Variants in DNAJC16 observed in about 807,000 individuals in gnomAD.
DNAJC16 encodes the protein dnaJ homolog subfamily C member 16.
In DNAJC16, 76 loss-of-function variants were observed where a neutral mutation model predicts 92.7. That is an observed-to-expected ratio of 0.82 (90% CI 0.68 to 0.99). The LOEUF (loss-of-function observed/expected upper bound fraction) is 0.99. DNAJC16 is among the 50% of genes least tolerant of loss of function. DNAJC16 has a pLI of 0.00. For missense variants in DNAJC16, 869 were observed against 942.4 expected, an observed-to-expected ratio of 0.92 and a Z score of 1.02; for synonymous variants, 328 against 358.7, an observed-to-expected ratio of 0.91 and a Z score of 0.97.
intron 1 of DNAJC16, among the ~76,000 whole-genome samples, chr1:15,528,441 A>AG (rs2103399146): frequency 6.6e-6 from 1 of 152,180 alleles, no homozygotes; most frequent in East Asian, 1.9e-4. Flanking sequence ...TCAAAAAAAA[A>AG]AAACAAAAAA....
At chr1:15,566,218 C>A in intron 13 of DNAJC16, 38 bp downstream of exon 13, 1 of 1,533,422 alleles carries the variant, frequency 6.5e-7, no homozygotes, top group Non-Finnish European at 9.0e-7. Context: ...CTCCCCGGCA[C>A]CTGCCCCCCA....
At chr1:15,548,871 G>C (rs1393059237) in intron 7 of DNAJC16, among the ~76,000 whole-genome samples, 4 of 152,042 alleles carry the variant, frequency 2.6e-5, no homozygotes, top group Non-Finnish European at 5.9e-5. Context: ...AAAATGTAAA[G>C]TTAAAAAACT....
At chr1:15,536,240 A>G (rs1006946095) in intron 3 of DNAJC16, among the ~76,000 whole-genome samples, 8 of 151,088 alleles carry the variant, frequency 5.3e-5, no homozygotes, top group Admixed American at 2.0e-4. Flanking sequence ...CTCCCGGCTG[A>G]TTTGATTTTT....
chr1:15,562,878 G>A lies in DNAJC16; in HGVS notation c.1338+553G>A, dbSNP rs78204042. Among the ~76,000 whole-genome samples the A allele has an allele frequency of 7.4e-3, 1,113 of 150,752 alleles. 15 individuals carry two copies. Among genetic ancestry groups the A allele is most frequent in the African/African-American group, 0.025 (1,023 of 40,902 alleles). ...GAAACCATGTTTTCTATCAGTGAAC[G>A]GTAAAGGTCATCAGTGCTTTTCACC... On this transcript the variant is annotated intron_variant, in intron 9 of 14. Transcript: ENST00000375847.
At chr1:15,539,560 T>C (rs1021348836) in intron 4 of DNAJC16, among the ~76,000 whole-genome samples, 2 of 151,914 alleles carry the variant, frequency 1.3e-5, no homozygotes, top group African/African-American at 4.8e-5. Flanking sequence ...TTTTTCTTTT[T>C]CTTTTAAGAG....
chr1:15,556,505 T>A (rs1014274249), intron 7 of DNAJC16, among the ~76,000 whole-genome samples: 2 of 152,222 alleles, frequency 1.3e-5, no homozygotes, highest in Non-Finnish European at 2.9e-5. Flanking sequence ...ATTATAGGCG[T>A]GAGCCACCGC....
intron 7 of DNAJC16, among the ~76,000 whole-genome samples, chr1:15,553,616 G>T (rs1052888775): frequency 2.0e-5 from 3 of 152,102 alleles, no homozygotes; most frequent in Admixed American, 1.3e-4. Context: ...ACAAGTCAGA[G>T]GTGTGAAGCT....
At chr1:15,559,472 T>G in intron 7 of DNAJC16, 54 bp from the exon 8 acceptor site, 3 of 1,603,836 alleles carry the variant, frequency 1.9e-6, no homozygotes, top group Non-Finnish European at 2.6e-6. Flanking sequence ...AAAGCCCATC[T>G]ATTTGCATTG....
intron 4 of DNAJC16, among the ~76,000 whole-genome samples, chr1:15,539,012 G>A (rs1227127866): frequency 6.6e-6 from 1 of 152,084 alleles, no homozygotes. Flanking sequence ...GCAGCTGAGG[G>A]GGGAAAAAAC....
Position 15,563,917 on chromosome 1 carries a change from C to T in DNAJC16, c.1339-12C>T, listed in dbSNP as rs769379838. 2.5e-6 allele frequency: 4 copies of T among 1,589,162 alleles called. No homozygotes were observed. The highest frequency in any genetic ancestry group is 1.7e-6 in the Non-Finnish European group (2 of 1,170,324). ...TGAAACTTCTGATGTTTTTTCTCTA[C>T]TTTTCTTCCAGGTGTCTATTTTAGA... On this transcript the variant is annotated splice_polypyrimidine_tract_variant and intron_variant, in intron 9 of 14. Coordinates refer to ENST00000375847, the MANE Select transcript of DNAJC16 (RefSeq NM_015291.4).
At chr1:15,562,001 T>G in intron 8 of DNAJC16, 141 bp from the exon 9 acceptor site, 1 of 714,112 alleles carries the variant, frequency 1.4e-6, no homozygotes, top group Non-Finnish European at 2.1e-6. Context: ...CCTCCCTTAG[T>G]TGAAATGTCA....
intron 4 of DNAJC16, among the ~76,000 whole-genome samples, chr1:15,539,442 T>G (rs1048328133): frequency 6.6e-6 from 1 of 151,778 alleles, no homozygotes; most frequent in Non-Finnish European, 1.5e-5. Flanking sequence ...GAGACGGGGT[T>G]TCACCGTGTT....
At chr1:15,562,405 T>C (rs1042932192) in intron 9 of DNAJC16, 80 bp downstream of exon 9, 14 of 1,366,210 alleles carry the variant, frequency 1.0e-5, no homozygotes, top group Non-Finnish European at 1.4e-5. Flanking sequence ...TCCTTGAGAG[T>C]GTTGAATACA....
In DNAJC16 at chr1:15,529,254, A is replaced by G; in HGVS notation, c.149A>G (p.Lys50Arg). 4 of 1,610,764 alleles carry G rather than the reference A, an allele frequency of 2.5e-6. No individual in the cohort carries two copies. Among genetic ancestry groups the G allele is most frequent in the Non-Finnish European group, 2.5e-6 (3 of 1,177,390 alleles). ...CAGGCTGATATTAAAAAGGCTTATA[A>G]GAAGCTCGCCCGGGAATGGTAGGTG... The part of the protein sequence containing the change: ...ASQADIKKAY[K>R]KLAREWHPDK... Residue 50 changes from lysine to arginine, a missense_variant, in exon 2 of 15, where the codon AAG (lysine) becomes AGG (arginine). Transcript: ENST00000375847.
intron 7 of DNAJC16, 24 bp downstream of exon 7, chr1:15,548,452 A>C (rs779473225): frequency 5.0e-6 from 8 of 1,588,168 alleles, no homozygotes; most frequent in Non-Finnish European, 6.9e-6. Context: ...ACCTTGGTTA[A>C]GATTTTCTTC....
At chr1:15,547,609 A>G (rs1030542240) in intron 6 of DNAJC16, among the ~76,000 whole-genome samples, 7 of 149,904 alleles carry the variant, frequency 4.7e-5, no homozygotes, top group African/African-American at 1.7e-4. Flanking sequence ...CGCTCGGCTA[A>G]TTTTTGTGTT....
At position 15,529,579 on chromosome 1, in the gene DNAJC16, A is replaced by G. The variant is rs527665273; in HGVS notation, c.167+307A>G. 3.6e-3 allele frequency among the ~76,000 whole-genome samples: 546 copies of G among 152,356 alleles called. 5 individuals are homozygous for G. Among genetic ancestry groups the G allele is most frequent in the Middle Eastern group, 0.017 (5 of 292 alleles). The stretch of plus-strand genomic sequence containing the variant: ...TTTTAAAAAAATGTATATATAGTCA[A>G]TAATGGATATGCTACCCTTCCCATG... On this transcript the variant is annotated intron_variant, in intron 2 of 14. Transcript: ENST00000375847.
At chr1:15,540,212 G>C (rs1056743862) in intron 4 of DNAJC16, among the ~76,000 whole-genome samples, 1 of 152,106 alleles carries the variant, frequency 6.6e-6, no homozygotes, top group African/African-American at 2.4e-5. Flanking sequence ...TGTAATCCCA[G>C]CTACTGGGGA....
chr1:15,530,577 A>T (rs1006094393), intron 2 of DNAJC16, among the ~76,000 whole-genome samples: 2 of 152,226 alleles, frequency 1.3e-5, no homozygotes, highest in Non-Finnish European at 2.9e-5. Context: ...TGAGGAATGG[A>T]AGAAAGTTTG....
Sources: allele counts gnomAD v4.1 joint callset (sites outside exome capture counted in the v4.1 genomes callset), GRCh38; gene constraint gnomAD v4.1.1; transcripts MANE v1.5; gene names NCBI Gene and HGNC (gene_info 2026-07-23, HGNC 2026-07-21).